The following OXCT1 variants were observed in gnomAD, a reference collection of about 807,000 sequenced individuals.
OXCT1 encodes the protein 3-oxoacid CoA-transferase 1, also known as succinyl-CoA:3-ketoacid coenzyme A transferase 1, mitochondrial.
OXCT1 carries 27 observed loss-of-function variants against 69.6 expected under a neutral mutation model. The ratio of observed to expected loss-of-function variants is 0.39; its 90% CI spans 0.29 to 0.54. The LOEUF (loss-of-function observed/expected upper bound fraction) is 0.54, where lower values mean the gene tolerates loss of function less well. Among genes scored for constraint, OXCT1 ranks in the 20% least tolerant of loss-of-function variants. The pLI is 0.72. For synonymous variants in OXCT1, 202 were observed against 217.8 expected (o/e 0.93, Z 0.64); for missense variants, 437 against 650.2 (o/e 0.67, Z 3.57).
chr5:41,796,781 A>G (rs1227735936), intron 11 of OXCT1, among the ~76,000 whole-genome samples: 2 of 152,208 alleles, frequency 1.3e-5, no homozygotes, highest in Non-Finnish European at 2.9e-5. Context: ...TAAATTAGAT[A>G]ATGCATACAA....
intron 3 of OXCT1, among the ~76,000 whole-genome samples, chr5:41,859,786 T>C (rs553851274): frequency 6.7e-6 from 1 of 149,344 alleles, no homozygotes; most frequent in East Asian, 1.9e-4. Context: ...TCAAAGTCAT[T>C]GGTACACAAC....
chr5:41,775,436 T>C (rs1173176212), intron 13 of OXCT1, among the ~76,000 whole-genome samples: 1 of 151,888 alleles, frequency 6.6e-6, no homozygotes, highest in African/African-American at 2.4e-5. Flanking sequence ...GGAAGAGATG[T>C]ATAGGGCAAG....
intron 7 of OXCT1, among the ~76,000 whole-genome samples, chr5:41,837,073 T>G (rs1303419347): frequency 6.6e-6 from 1 of 152,210 alleles, no homozygotes; most frequent in African/African-American, 2.4e-5. Flanking sequence ...ACCCTGCTTC[T>G]AAATCCAAAA....
Position 41,850,192 on chromosome 5 carries a change from A to G in OXCT1, c.415-13T>C, listed in dbSNP as rs1227014335. On this transcript the variant is annotated splice_polypyrimidine_tract_variant and intron_variant, in intron 4 of 16. Transcript: ENST00000196371. ...CTGCAAGTGTGCCCTGCAAGTGAGCAACCAACACCCCATAAGTTCACTAAG... is the reference window on the plus strand; with the variant it reads ...CTGCAAGTGTGCCCTGCAAGTGAGCGACCAACACCCCATAAGTTCACTAAG... The G allele has an allele frequency of 6.2e-7, 1 of 1,613,096 alleles. No individual in the cohort carries two copies. The highest frequency in any genetic ancestry group is 2.2e-5 in the East Asian group (1 of 44,852).
At chr5:41,731,905 T>C in intron 16 of OXCT1, 135 bp from the exon 17 acceptor site, 2 of 1,099,192 alleles carry the variant, frequency 1.8e-6, no homozygotes, top group African/African-American at 1.6e-5. Flanking sequence ...TTCCATATGA[T>C]TTTCCATCCT....
chr5:41,823,993 G>A (rs1214408007), intron 7 of OXCT1, among the ~76,000 whole-genome samples: 1 of 152,130 alleles, frequency 6.6e-6, no homozygotes, highest in Non-Finnish European at 1.5e-5. Context: ...AATTCAGTCA[G>A]CTAAAGGTCT....
At chr5:41,742,914 T>C (rs1417909478) in intron 15 of OXCT1, among the ~76,000 whole-genome samples, 2 of 152,230 alleles carry the variant, frequency 1.3e-5, no homozygotes, top group African/African-American at 4.8e-5. Context: ...GTCTTTGCTA[T>C]TGTGAATAGT....
intron 1 of OXCT1, among the ~76,000 whole-genome samples, chr5:41,866,244 C>T (rs1376479062): frequency 6.6e-6 from 1 of 152,182 alleles, no homozygotes; most frequent in Non-Finnish European, 1.5e-5. Flanking sequence ...CCTCACTCTA[C>T]CCTATACACA....
At chr5:41,780,147 G>T (rs188429004) in intron 13 of OXCT1, among the ~76,000 whole-genome samples, 5 of 152,234 alleles carry the variant, frequency 3.3e-5, no homozygotes, top group Admixed American at 2.0e-4. Context: ...TTGGGTGAAT[G>T]AATTTGAAAA....
chr5:41,821,557 TG>T (rs1561104137), intron 7 of OXCT1, among the ~76,000 whole-genome samples: 16 of 152,232 alleles, frequency 1.1e-4, no homozygotes. Flanking sequence ...TGTAGCATTT[TG>T]CATTCTCACC....
At chr5:41,866,022 A>AACC (rs1749951931) in intron 1 of OXCT1, among the ~76,000 whole-genome samples, 2 of 116,288 alleles carry the variant, frequency 1.7e-5, no homozygotes, top group African/African-American at 2.9e-5. Flanking sequence ...TGTACAGTAG[A>AACC]CCCCCCCCCC....
intron 7 of OXCT1, among the ~76,000 whole-genome samples, chr5:41,814,948 G>A (rs892046747): frequency 4.6e-5 from 7 of 152,092 alleles, no homozygotes; most frequent in African/African-American, 1.7e-4. Flanking sequence ...GTTGGTGATA[G>A]CACCTTCAAC....
rs1185265570 is a variant in OXCT1 at position 41,749,607 on chromosome 5, C to T, written c.1339G>A (p.Gly447Arg). The T allele has an allele frequency of 1.3e-6, 2 of 1,597,326 alleles. No individual in the cohort carries two copies. The highest frequency in any genetic ancestry group is 1.3e-5 in the African/African-American group (1 of 74,476). ...VVVTMEHSAK[G>R]NAHKIMEKCT... is the part of the protein sequence containing the mutation. ...TTCTCCATGATTTTATGTGCATTTC[C>T]CTGTTTTAAAAAGAAAACATCAAAA... The change falls in exon 15 of 17, where the codon GGA (glycine) becomes AGA (arginine). Residue 447 changes from glycine to arginine, a missense_variant and splice_region_variant. Physicochemically the swap from Gly to Arg is moderately radical, Grantham distance 125. Coordinates refer to ENST00000196371, the MANE Select transcript of OXCT1 (RefSeq NM_000436.4).
chr5:41,794,546 A>C (rs1746083415), intron 12 of OXCT1, 131 bp downstream of exon 12: 2 of 800,612 alleles, frequency 2.5e-6, no homozygotes, highest in Non-Finnish European at 4.2e-6. Context: ...CACACCCTGC[A>C]GCCGAACAAA....
intron 3 of OXCT1, among the ~76,000 whole-genome samples, 178 bp downstream of exon 3, chr5:41,861,136 A>G (rs1046325409): frequency 6.6e-6 from 1 of 152,142 alleles, no homozygotes; most frequent in African/African-American, 2.4e-5. Flanking sequence ...GAAGGATGGT[A>G]CCAAAAACAT....
At chr5:41,785,843 G>A (rs1745614406) in intron 13 of OXCT1, among the ~76,000 whole-genome samples, 1 of 152,200 alleles carries the variant, frequency 6.6e-6, no homozygotes, top group African/African-American at 2.4e-5. Context: ...ACATTTCTCA[G>A]CAACCAAGGA....
chr5:41,792,397 C>T (rs971344792), intron 13 of OXCT1, among the ~76,000 whole-genome samples: 3 of 152,124 alleles, frequency 2.0e-5, no homozygotes, highest in African/African-American at 7.2e-5. Context: ...GTTCTCAAAC[C>T]CTCACTTTAT....
At chr5:41,776,904 G>A (rs954694368) in intron 13 of OXCT1, among the ~76,000 whole-genome samples, 8 of 152,070 alleles carry the variant, frequency 5.3e-5, no homozygotes, top group African/African-American at 1.9e-4. Flanking sequence ...TTTATAAAAC[G>A]ATGTTCTTTG....
chr5:41,865,112 G>C (rs1749904028), intron 1 of OXCT1, among the ~76,000 whole-genome samples: 1 of 152,142 alleles, frequency 6.6e-6, no homozygotes, highest in Non-Finnish European at 1.5e-5. Context: ...GAATACACTT[G>C]AAGCTATTTT....
Sources: allele counts gnomAD v4.1 joint callset (sites outside exome capture counted in the v4.1 genomes callset), GRCh38; gene constraint gnomAD v4.1.1; transcripts MANE v1.5; gene names NCBI Gene and HGNC (gene_info 2026-07-23, HGNC 2026-07-21).